GALNT17: variants seen among roughly 807,000 people sequenced by gnomAD.
GALNT17 encodes the protein UDP-GalNAc:polypeptide N-acetylgalactosaminyltransferase-like 3.
In GALNT17, 29 loss-of-function variants were observed where a neutral mutation model predicts 63.7. The ratio of observed to expected loss-of-function variants is 0.46; its 90% CI spans 0.34 to 0.62. The LOEUF (loss-of-function observed/expected upper bound fraction) is 0.62. Among genes scored for constraint, GALNT17 ranks in the 20% least tolerant of loss-of-function variants. The probability of loss-of-function intolerance (pLI) is 0.01; values close to 1 mark genes in which losing one functional copy is unlikely to be tolerated. For missense variants in GALNT17, 603 were observed against 799.6 expected, an observed-to-expected ratio of 0.75 and a Z score of 2.97; for synonymous variants, 305 against 318.3, an observed-to-expected ratio of 0.96 and a Z score of 0.45.
At chr7:71,653,871 G>A (rs959873725) in intron 6 of GALNT17, among the ~76,000 whole-genome samples, 25 of 152,136 alleles carry the variant, frequency 1.6e-4, no homozygotes, top group African/African-American at 5.8e-4. Context: ...GACCCCTTGG[G>A]AAGAAATTTA....
At chr7:71,523,625 C>T (rs1324744877) in intron 5 of GALNT17, among the ~76,000 whole-genome samples, 1 of 151,432 alleles carries the variant, frequency 6.6e-6, no homozygotes, top group Non-Finnish European at 1.5e-5. Context: ...TGCGGTGGCC[C>T]CCACTATTTG....
intron 2 of GALNT17, among the ~76,000 whole-genome samples, chr7:71,387,945 A>G (rs1444536868): frequency 1.3e-5 from 2 of 152,112 alleles, no homozygotes; most frequent in African/African-American, 4.8e-5. Flanking sequence ...TGAACCCACT[A>G]AGTGCTCCAT....
intron 6 of GALNT17, among the ~76,000 whole-genome samples, chr7:71,628,942 T>C (rs1790416301): frequency 6.6e-6 from 1 of 151,856 alleles, no homozygotes. Flanking sequence ...AAAGTAAAAA[T>C]TAAAATTTAA....
chr7:71,256,382 C>T (rs944493702), intron 1 of GALNT17, among the ~76,000 whole-genome samples: 2 of 152,124 alleles, frequency 1.3e-5, no homozygotes, highest in Admixed American at 6.6e-5. Context: ...ACCAGCCTGG[C>T]CAACATGGTG....
chr7:71,449,696 TTAAGG>T (rs1300299564), intron 5 of GALNT17, among the ~76,000 whole-genome samples: 4 of 152,188 alleles, frequency 2.6e-5, no homozygotes, highest in Non-Finnish European at 5.9e-5. Context: ...TTGGCATTTA[TTAAGG>T]TATTTATATA....
chr7:71,370,203 C>G (rs919399255), intron 2 of GALNT17, among the ~76,000 whole-genome samples: 6 of 152,206 alleles, frequency 3.9e-5, no homozygotes, highest in African/African-American at 1.4e-4. Flanking sequence ...AACTCAGTTT[C>G]CAAACAAGAT....
At chr7:71,706,947 C>T (rs1791728700) in intron 9 of GALNT17, among the ~76,000 whole-genome samples, 1 of 152,174 alleles carries the variant, frequency 6.6e-6, no homozygotes, top group African/African-American at 2.4e-5. Flanking sequence ...GGAGGGGGCT[C>T]TTCTGCTGCT....
In GALNT17 at chr7:71,241,503, A is replaced by G. The variant is rs149094418; in HGVS notation, c.239-94047A>G. ...AACCAAAGAACAGGGATGTGAACCA[A>G]AGTGCCACGTTCCATTTCCAATTTT... On this transcript the variant is annotated intron_variant, in intron 1 of 10. Coordinates refer to ENST00000333538, the MANE Select transcript of GALNT17 (RefSeq NM_022479.3). Among the ~76,000 whole-genome samples, 14 of 152,320 alleles carry G rather than the reference A, an allele frequency of 9.2e-5. No individual in the cohort carries two copies. The East Asian group carries it at 2.7e-3, about 29-fold the overall frequency.
At chr7:71,196,165 G>T (rs1260302243) in intron 1 of GALNT17, among the ~76,000 whole-genome samples, 1 of 151,798 alleles carries the variant, frequency 6.6e-6, no homozygotes, top group Non-Finnish European at 1.5e-5. Flanking sequence ...TTGAGACAGG[G>T]TCTTGCTCTG....
chr7:71,380,574 GCC>G (rs1304745237), intron 2 of GALNT17, among the ~76,000 whole-genome samples: 4 of 152,122 alleles, frequency 2.6e-5, no homozygotes, highest in African/African-American at 9.7e-5. Context: ...TCCTGCTTCA[GCC>G]TCCCAAAACT....
rs1292519705 is a variant in GALNT17, at chr7:71,712,482, G to A, written c.*336G>A. ...TCTCCCATCCCAGAATCAGGATCTG[G>A]GACTGGCAGGGTCCCCTCCTGTGTC... On this transcript the variant is annotated 3_prime_UTR_variant, in exon 11 of 11. Transcript: ENST00000333538. The A allele has an allele frequency of 1.6e-5, 3 of 182,640 alleles. No homozygotes were observed. Among genetic ancestry groups the A allele is most frequent in the Non-Finnish European group, 3.4e-5 (3 of 88,460 alleles). 11.3% of individuals were successfully genotyped at this position (182,640 alleles called of 1,614,324 possible).
At chr7:71,633,309 G>A (rs368906912) in intron 6 of GALNT17, among the ~76,000 whole-genome samples, 15 of 152,118 alleles carry the variant, frequency 9.9e-5, no homozygotes, top group African/African-American at 3.6e-4. Flanking sequence ...GCAATGTGGG[G>A]AGTTTGCATC....
intron 5 of GALNT17, among the ~76,000 whole-genome samples, chr7:71,559,519 A>T (rs1404986701): frequency 2.0e-5 from 3 of 152,150 alleles, no homozygotes; most frequent in Admixed American, 2.0e-4. Flanking sequence ...TCAGTTGGAA[A>T]ATGGGGCTAA....
At chr7:71,461,632 A>G (rs1464610943) in intron 5 of GALNT17, among the ~76,000 whole-genome samples, 5 of 152,226 alleles carry the variant, frequency 3.3e-5, no homozygotes, top group Non-Finnish European at 7.3e-5. Context: ...CATCATTTAA[A>G]TTAACATAAA....
intron 1 of GALNT17, among the ~76,000 whole-genome samples, chr7:71,142,012 C>CTGTGTGTGTG (rs201770661): frequency 0.011 from 1,429 of 124,832 alleles, 24 homozygotes; most frequent in African/African-American, 0.023. Context: ...CCACATTTGG[C>CTGTGTGTGTG]TGTGTGTGTG....
intron 5 of GALNT17, among the ~76,000 whole-genome samples, chr7:71,476,852 C>T (rs1787730997): frequency 6.6e-6 from 1 of 152,084 alleles, no homozygotes; most frequent in South Asian, 2.1e-4. Context: ...GAATCAGAGT[C>T]CTGTAAGGGA....
intron 5 of GALNT17, among the ~76,000 whole-genome samples, chr7:71,528,895 G>A (rs186106521): frequency 2.6e-5 from 4 of 152,306 alleles, no homozygotes; most frequent in Admixed American, 2.6e-4. Context: ...AGCACTTCGG[G>A]AGGCCGAGGA....
At chr7:71,488,889 C>CTTTTTTTTT (rs369124996) in intron 5 of GALNT17, among the ~76,000 whole-genome samples, 1 of 54,722 alleles carries the variant, frequency 1.8e-5, no homozygotes, top group African/African-American at 7.4e-5. Context: ...GCCAGGTTTC[C>CTTTTTTTTT]TTTTTTTTTT....
At chr7:71,617,206 C>T (rs2116964501) in intron 6 of GALNT17, among the ~76,000 whole-genome samples, 1 of 148,664 alleles carries the variant, frequency 6.7e-6, no homozygotes, top group Admixed American at 6.8e-5. Flanking sequence ...AGATTTGTTA[C>T]ATGGGAATAT....
Sources: gnomAD v4.1 joint callset for allele counts (sites outside exome capture counted in the v4.1 genomes callset) on GRCh38, gnomAD v4.1.1 for gene constraint, MANE v1.5 for transcripts, NCBI Gene and HGNC (gene_info 2026-07-23, HGNC 2026-07-21) for gene names.